The following ADGRL3 variants were observed in gnomAD, a reference collection of about 807,000 sequenced individuals.
The protein encoded by ADGRL3 is adhesion G protein-coupled receptor L3.
A neutral mutation model predicts 153.5 loss-of-function variants in ADGRL3; 62 were observed. The ratio of observed to expected loss-of-function variants is 0.40; its 90% confidence interval spans 0.33 to 0.50. The LOEUF is 0.50. Ranked by LOEUF, ADGRL3 falls within the 20% of genes least tolerant of loss-of-function variation. The pLI, the probability that ADGRL3 is intolerant of heterozygous loss-of-function variation, is 0.47. For synonymous variants in ADGRL3, 710 were observed against 672.5 expected (o/e 1.06, Z -0.86); for missense variants, 1,641 against 1,859.4 (o/e 0.88, Z 2.16).
At chr4:61,511,996 A>G (rs2098465998) in intron 3 of ADGRL3, among the ~76,000 whole-genome samples, 2 of 152,154 alleles carry the variant, frequency 1.3e-5, no homozygotes, top group African/African-American at 4.8e-5. Flanking sequence ...GCTAAAATGA[A>G]GGTGCTGTGG....
intron 9 of ADGRL3, among the ~76,000 whole-genome samples, chr4:61,867,539 T>TATATATATATATATATATATATAA (rs1001275572): frequency 7.2e-6 from 1 of 138,742 alleles, no homozygotes. Flanking sequence ...TATATATATA[T>TATATATATATATATATATATATAA]AATTGTAGGA....
intron 23 of ADGRL3, among the ~76,000 whole-genome samples, chr4:62,034,260 A>G (rs1321487302): frequency 1.3e-5 from 2 of 151,750 alleles, no homozygotes; most frequent in Non-Finnish European, 2.9e-5. Context: ...TTCAATACAT[A>G]AAGTTTAAAA....
intron 5 of ADGRL3, among the ~76,000 whole-genome samples, chr4:61,674,119 A>G (rs1230755006): frequency 6.7e-6 from 1 of 149,530 alleles, no homozygotes; most frequent in Non-Finnish European, 1.5e-5. Flanking sequence ...TTCATAATAT[A>G]TAATATGTAA....
chr4:61,789,721 G>A (rs929729973), intron 8 of ADGRL3, among the ~76,000 whole-genome samples: 3 of 152,070 alleles, frequency 2.0e-5, no homozygotes, highest in Admixed American at 1.3e-4. Context: ...CATTACTAGC[G>A]AAGTGTAATT....
At chr4:62,062,611 A>C (rs1314984278) in intron 25 of ADGRL3, among the ~76,000 whole-genome samples, 3 of 152,058 alleles carry the variant, frequency 2.0e-5, no homozygotes, top group African/African-American at 7.2e-5. Context: ...TTCTCCTCTG[A>C]TCTTTGCTTC....
At chr4:61,375,999 A>C (rs2096598281) in intron 1 of ADGRL3, among the ~76,000 whole-genome samples, 1 of 152,134 alleles carries the variant, frequency 6.6e-6, no homozygotes, top group South Asian at 2.1e-4. Flanking sequence ...ATTCCTACTG[A>C]AGTTGAACAA....
intron 3 of ADGRL3, among the ~76,000 whole-genome samples, chr4:61,508,514 A>T (rs1022986621): frequency 3.3e-5 from 5 of 152,134 alleles, no homozygotes; most frequent in African/African-American, 4.8e-5. Context: ...GTTTTTAAAA[A>T]TTTTTTTAAC....
At chr4:61,632,413 T>C (rs992982697) in intron 5 of ADGRL3, among the ~76,000 whole-genome samples, 1 of 152,154 alleles carries the variant, frequency 6.6e-6, no homozygotes, top group South Asian at 2.1e-4. Context: ...TCAAAGCATA[T>C]ATTGTTTAAA....
intron 6 of ADGRL3, among the ~76,000 whole-genome samples, chr4:61,715,083 C>CT (rs888957692): frequency 1.3e-5 from 2 of 151,982 alleles, no homozygotes; most frequent in African/African-American, 4.8e-5. Context: ...ATCTTACCAC[C>CT]TTTTTTAACA....
chr4:61,890,086 C>A (rs762119083), intron 9 of ADGRL3, among the ~76,000 whole-genome samples: 7 of 152,130 alleles, frequency 4.6e-5, no homozygotes, highest in Non-Finnish European at 8.8e-5. Context: ...GATTATTTAA[C>A]TAATAATAGG....
chr4:61,921,999 A>G (rs1390691953), intron 13 of ADGRL3, among the ~76,000 whole-genome samples: 3 of 152,186 alleles, frequency 2.0e-5, no homozygotes, highest in African/African-American at 2.4e-5. Context: ...ACTAAACTAA[A>G]TAATGGAATA....
intron 2 of ADGRL3, among the ~76,000 whole-genome samples, chr4:61,440,409 C>A (rs551246378): frequency 1.1e-4 from 16 of 152,132 alleles, no homozygotes; most frequent in Non-Finnish European, 8.8e-5. Context: ...CTCCATAATT[C>A]GTTTTGGAAA....
At chr4:61,828,438 A>C (rs908573895) in intron 9 of ADGRL3, among the ~76,000 whole-genome samples, 5 of 152,140 alleles carry the variant, frequency 3.3e-5, no homozygotes, top group African/African-American at 1.2e-4. Context: ...GGGGTGGTGG[A>C]TGTAGGGGCA....
Position 61,375,119 on chromosome 4 carries a change from TG to T in ADGRL3, c.-239-8004del, listed in dbSNP as rs575028259. Among the ~76,000 whole-genome samples the T allele has an allele frequency of 2.7e-3, 415 of 152,196 alleles. 1 individual carries two copies. The highest frequency in any genetic ancestry group is 0.014 in the Middle Eastern group (4 of 294). On this transcript the variant is annotated intron_variant, in intron 1 of 26. Coordinates refer to ENST00000683033, the MANE Select transcript of ADGRL3 (RefSeq NM_001387552.1). ...TTTTCTGGAACTGACATTCAGAAAC[TG>T]CGTGAGTTTACAAAAATTTGGTAAC...
chr4:61,754,623 TTTA>T lies in ADGRL3; in HGVS notation c.1399+21080_1399+21082del, dbSNP rs979550218. Reference sequence around the variant, plus strand: ...ATCTGAGTGTATATATATATATTTATTTATTATTATTATACTTTAAGTTCTAGG... The same window carrying T: ...ATCTGAGTGTATATATATATATTTATTTATTATTATACTTTAAGTTCTAGG... On this transcript the variant is annotated intron_variant, in intron 8 of 26. Transcript: ENST00000683033. Among the ~76,000 whole-genome samples the T allele has an allele frequency of 1.2e-3, 179 of 151,680 alleles. 3 individuals carry two copies. Among genetic ancestry groups the T allele is most frequent in the African/African-American group, 4.0e-3 (166 of 41,408 alleles).
intron 6 of ADGRL3, among the ~76,000 whole-genome samples, chr4:61,708,903 G>A (rs2095906838): frequency 2.6e-5 from 4 of 151,874 alleles, no homozygotes; most frequent in Admixed American, 2.6e-4. Context: ...TCTGCCTCCT[G>A]GGTTCAAGTG....
chr4:61,875,129 A>G (rs1427930736), intron 9 of ADGRL3, among the ~76,000 whole-genome samples: 1 of 152,056 alleles, frequency 6.6e-6, no homozygotes, highest in Non-Finnish European at 1.5e-5. Flanking sequence ...TTTATAGTCA[A>G]CACACAAAAT....
At chr4:61,388,689 A>T (rs578183593) in intron 2 of ADGRL3, among the ~76,000 whole-genome samples, 1 of 152,328 alleles carries the variant, frequency 6.6e-6, no homozygotes, top group East Asian at 1.9e-4. Flanking sequence ...CACAGACAGC[A>T]AATGGAGACC....
intron 8 of ADGRL3, among the ~76,000 whole-genome samples, chr4:61,757,084 T>A (rs1249903328): frequency 6.6e-6 from 1 of 152,196 alleles, no homozygotes; most frequent in African/African-American, 2.4e-5. Context: ...AAATTCTCTT[T>A]TTTGGTTGTG....
Sources: allele counts gnomAD v4.1 joint callset (sites outside exome capture counted in the v4.1 genomes callset), GRCh38; gene constraint gnomAD v4.1.1; transcripts MANE v1.5; gene names NCBI Gene and HGNC (gene_info 2026-07-23, HGNC 2026-07-21).